The following ATXN7L1 variants were observed in gnomAD, a reference collection of about 807,000 sequenced individuals.
ATXN7L1 encodes ataxin-7-like protein 1.
A neutral mutation model predicts 70.8 loss-of-function variants in ATXN7L1; 15 were observed. That is an observed-to-expected ratio of 0.21 (90% confidence interval 0.14 to 0.33). ATXN7L1 has a LOEUF of 0.33. Among genes scored for constraint, ATXN7L1 ranks in the 10% least tolerant of loss-of-function variants. The probability of loss-of-function intolerance (pLI) is 1.00; values close to 1 mark genes in which losing one functional copy is unlikely to be tolerated. For missense variants in ATXN7L1, 975 were observed against 1,097.1 expected, an observed-to-expected ratio of 0.89 and a Z score of 1.57; for synonymous variants, 440 against 445.1, an observed-to-expected ratio of 0.99 and a Z score of 0.14.
In ATXN7L1 at chr7:105,620,261, C is replaced by A; in HGVS notation, c.1456G>T (p.Asp486Tyr). Reference sequence around the variant, plus strand: ...GAGTTTAGTGCGAATCGAAAACGATCCCATCTTCTATCAAACACATAGTAC... The same window carrying A: ...GAGTTTAGTGCGAATCGAAAACGATACCATCTTCTATCAAACACATAGTAC... Reference protein sequence around the residue: ...RGYYVFDRRWDRFRFALNSMV... With the variant: ...RGYYVFDRRWYRFRFALNSMV... The change falls in exon 9 of 12, where the codon GAT becomes TAT. Residue 486 changes from aspartate (D) to tyrosine (Y), a missense_variant. Physicochemically the swap from Asp to Tyr is radical, Grantham distance 160 (BLOSUM62 -3). Coordinates refer to ENST00000419735, the MANE Select transcript of ATXN7L1 (RefSeq NM_020725.2). The A allele has an allele frequency of 1.9e-6, 3 of 1,551,458 alleles. No individual in the cohort carries two copies. Among genetic ancestry groups the A allele is most frequent in the Non-Finnish European group, 2.6e-6 (3 of 1,146,836 alleles).
At chr7:105,691,156 G>A (rs1010268755) in intron 3 of ATXN7L1, among the ~76,000 whole-genome samples, 2 of 152,176 alleles carry the variant, frequency 1.3e-5, no homozygotes, top group African/African-American at 4.8e-5. Context: ...AAATGCCACT[G>A]CTCCCAGGAG....
chr7:105,701,701 A>G (rs1216695061), intron 3 of ATXN7L1, among the ~76,000 whole-genome samples: 1 of 152,214 alleles, frequency 6.6e-6, no homozygotes, highest in Non-Finnish European at 1.5e-5. Flanking sequence ...TAATTCTTAC[A>G]TTAATGCATT....
intron 2 of ATXN7L1, among the ~76,000 whole-genome samples, chr7:105,850,142 TATA>T (rs1342104754): frequency 2.0e-5 from 3 of 152,222 alleles, no homozygotes; most frequent in African/African-American, 7.2e-5. Flanking sequence ...GTTGATGAAA[TATA>T]ATGATAAAAA....
intron 3 of ATXN7L1, among the ~76,000 whole-genome samples, chr7:105,774,293 G>A (rs1449043517): frequency 6.6e-6 from 1 of 151,752 alleles, no homozygotes; most frequent in Non-Finnish European, 1.5e-5. Flanking sequence ...CTATCAGGAT[G>A]ATGCCCAGAG....
At chr7:105,748,929 G>C (rs890542752) in intron 3 of ATXN7L1, among the ~76,000 whole-genome samples, 3 of 152,192 alleles carry the variant, frequency 2.0e-5, no homozygotes, top group Non-Finnish European at 4.4e-5. Context: ...CAGAGTGTTT[G>C]GGGGAAGGCC....
intron 3 of ATXN7L1, chr7:105,761,087 G>T: frequency 1.1e-6 from 1 of 950,914 alleles, no homozygotes; most frequent in Non-Finnish European, 1.3e-6. Flanking sequence ...GTGGAAGCAG[G>T]AACAGCTGGA....
intron 2 of ATXN7L1, among the ~76,000 whole-genome samples, chr7:105,851,974 T>C (rs1814953740): frequency 6.6e-6 from 1 of 152,208 alleles, no homozygotes. Flanking sequence ...TCTCTCCTCC[T>C]CCTTCCACCA....
chr7:105,750,660 G>A (rs1799097652), intron 3 of ATXN7L1, among the ~76,000 whole-genome samples: 2 of 152,064 alleles, frequency 1.3e-5, no homozygotes, highest in South Asian at 2.1e-4. Context: ...AAAATTAGCT[G>A]GCCATGGTGG....
chr7:105,773,930 C>G (rs982731724), intron 3 of ATXN7L1, among the ~76,000 whole-genome samples: 1 of 152,032 alleles, frequency 6.6e-6, no homozygotes, highest in Admixed American at 6.6e-5. Flanking sequence ...TGTGGGGCAC[C>G]GGGGAGGGCA....
rs529304714 is a variant in ATXN7L1, at chr7:105,605,400, T to C, written c.*2452A>G. 6.7e-6 allele frequency: 1 copy of C among 148,450 alleles called. No individual in the cohort carries two copies. The highest frequency in any genetic ancestry group is 2.0e-4 in the East Asian group (1 of 5,074). The allele number at this position is 148,450 out of a possible 1,614,324, so 9.2% of individuals were successfully genotyped here. A position where few individuals can be genotyped will look rare whatever the true frequency, so the allele number is the denominator to read the frequency against. On this transcript the variant is annotated 3_prime_UTR_variant, in exon 12 of 12. Transcript: ENST00000419735. Reference sequence around the variant, plus strand: ...AAGAATACTGTGGGCTTTCCCTTTTTGCCCAGTTTTCCAGAAATATCCTCA... The same window carrying C: ...AAGAATACTGTGGGCTTTCCCTTTTCGCCCAGTTTTCCAGAAATATCCTCA...
chr7:105,815,264 T>G (rs553771810), intron 2 of ATXN7L1, among the ~76,000 whole-genome samples: 83 of 152,184 alleles, frequency 5.5e-4, no homozygotes, highest in Non-Finnish European at 8.4e-4. Flanking sequence ...AATCTCACAT[T>G]TGCATTTTGT....
intron 2 of ATXN7L1, among the ~76,000 whole-genome samples, chr7:105,816,888 G>A (rs1271369059): frequency 6.6e-6 from 1 of 152,214 alleles, no homozygotes; most frequent in Non-Finnish European, 1.5e-5. Context: ...AACAGGCATG[G>A]GTCACTTATC....
chr7:105,784,455 C>A (rs970414886), intron 3 of ATXN7L1, among the ~76,000 whole-genome samples: 5 of 152,046 alleles, frequency 3.3e-5, no homozygotes, highest in Non-Finnish European at 5.9e-5. Flanking sequence ...CACACACACA[C>A]ACACTTTTTT....
At chr7:105,686,127 C>T (rs1336742503) in intron 3 of ATXN7L1, among the ~76,000 whole-genome samples, 1 of 143,724 alleles carries the variant, frequency 7.0e-6, no homozygotes, top group Admixed American at 7.1e-5. Context: ...ACACTAAGGG[C>T]AGATTAAAAA....
chr7:105,876,381 C>T lies in ATXN7L1; in HGVS notation c.178G>A (p.Asp60Asn), dbSNP rs1156928734. 6.2e-7 allele frequency: 1 copy of T among 1,603,956 alleles called. No individual in the cohort carries two copies. The highest frequency in any genetic ancestry group is 1.3e-5 in the African/African-American group (1 of 74,774). The change falls in exon 1 of 12, where the codon GAC (aspartate) becomes AAC (asparagine). Residue 60 changes from aspartate (D) to asparagine (N), a missense_variant. Coordinates refer to ENST00000419735, the MANE Select transcript of ATXN7L1 (RefSeq NM_020725.2). ...GAGGAGGTGGTGGGGTTCTTACTGT[C>T]GGAGCAGTGTAATTTGGCGGCGTCG... ...WIDAAKLHCS[D>N]NVDLEEAGKE...
chr7:105,715,467 A>G (rs1412249900), intron 3 of ATXN7L1, among the ~76,000 whole-genome samples: 1 of 152,256 alleles, frequency 6.6e-6, no homozygotes. Flanking sequence ...CCTTTACAAC[A>G]GCATGAATCT....
intron 2 of ATXN7L1, among the ~76,000 whole-genome samples, chr7:105,865,648 A>C (rs553870204): frequency 1.3e-5 from 2 of 151,984 alleles, no homozygotes; most frequent in East Asian, 1.9e-4. Flanking sequence ...TGATCTGCCC[A>C]CCTTGGCCTC....
At chr7:105,820,125 TCAAAAAAAAAA>T in intron 2 of ATXN7L1, 6 of 28,906 alleles carry the variant, frequency 2.1e-4, no homozygotes, top group Non-Finnish European at 2.7e-4. Flanking sequence ...TGTTTATTCC[TCAAAAAAAAAA>T]AAAAAAAAAA....
chr7:105,727,744 G>GTATATATATATATATATATATATA (rs1205624280), intron 3 of ATXN7L1, among the ~76,000 whole-genome samples: 1 of 31,732 alleles, frequency 3.2e-5, no homozygotes, highest in East Asian at 1.1e-3. Flanking sequence ...GTGTGTATGT[G>GTATATATATATATATATATATATA]TGTATATATA....
Sources: gnomAD v4.1 joint callset for allele counts (sites outside exome capture counted in the v4.1 genomes callset) on GRCh38, gnomAD v4.1.1 for gene constraint, MANE v1.5 for transcripts, NCBI Gene and HGNC (gene_info 2026-07-23, HGNC 2026-07-21) for gene names.